APLP2: variants seen among roughly 807,000 people sequenced by gnomAD.
The protein encoded by APLP2 is CDEI box-binding protein.
In APLP2, 53 loss-of-function variants were observed where a neutral mutation model predicts 89.9. The observed-to-expected ratio is 0.59, with a 90% CI of 0.47 to 0.74. The LOEUF (loss-of-function observed/expected upper bound fraction) is 0.74. APLP2 is among the 30% of genes least tolerant of loss of function. The pLI is 0.00. For missense variants in APLP2, 973 were observed against 975.9 expected (o/e 1.00, Z 0.04); for synonymous variants, 372 against 348.6 (o/e 1.07, Z -0.75).
intron 3 of APLP2, among the ~76,000 whole-genome samples, chr11:130,115,916 G>C (rs1949106783): frequency 6.6e-6 from 1 of 152,098 alleles, no homozygotes; most frequent in Admixed American, 6.6e-5. Flanking sequence ...TTGGGGGAAG[G>C]GGACAAAAAC....
At chr11:130,134,193 G>A (rs1193783979) in intron 12 of APLP2, among the ~76,000 whole-genome samples, 6 of 152,192 alleles carry the variant, frequency 3.9e-5, no homozygotes, top group Non-Finnish European at 8.8e-5. Context: ...TGCTGGAGTT[G>A]ATGTGTTGAT....
intron 1 of APLP2, chr11:130,101,903 A>G: frequency 2.2e-6 from 1 of 454,604 alleles, no homozygotes. Flanking sequence ...CCTGCATTGC[A>G]TTTACTTGTC....
At chr11:130,071,172 A>T (rs890146116) in intron 1 of APLP2, among the ~76,000 whole-genome samples, 2 of 152,078 alleles carry the variant, frequency 1.3e-5, no homozygotes, top group East Asian at 3.8e-4. Context: ...AGACCTGAAG[A>T]CTGGATTTGA....
At chr11:130,128,681 G>T (rs115696385) in intron 9 of APLP2, among the ~76,000 whole-genome samples, 165 of 152,336 alleles carry the variant, frequency 1.1e-3, no homozygotes, top group African/African-American at 3.7e-3. Flanking sequence ...ATTGGTCAGT[G>T]GTCTCAGAGT....
chr11:130,126,225 A>T lies in APLP2; in HGVS notation c.1091-475A>T, dbSNP rs1026522494. ...AGCCTGTTTTCTGTTGTAAATTAAG[A>T]CTCAAAGATAGCCAGAAGAGCAGAG... On this transcript the variant is annotated intron_variant, in intron 7 of 16. Coordinates refer to ENST00000338167, the MANE Select transcript of APLP2 (RefSeq NM_001142276.2). 4.6e-5 allele frequency among the ~76,000 whole-genome samples: 7 copies of T among 152,288 alleles called. No homozygotes were observed. The East Asian group carries it at 1.3e-3, about 29-fold the overall frequency.
At chr11:130,083,676 T>C (rs1019321232) in intron 1 of APLP2, among the ~76,000 whole-genome samples, 1 of 152,224 alleles carries the variant, frequency 6.6e-6, no homozygotes, top group Admixed American at 6.5e-5. Context: ...TTTTTAAGGC[T>C]GAACAATATT....
chr11:130,104,365 C>T (rs1016623253), intron 1 of APLP2, among the ~76,000 whole-genome samples: 5 of 151,708 alleles, frequency 3.3e-5, no homozygotes, highest in African/African-American at 4.8e-5. Context: ...ACCATAGGCA[C>T]GCGCCCCCAT....
At chr11:130,109,396 G>A in intron 1 of APLP2, 33 bp from the exon 2 acceptor site, 1 of 1,590,112 alleles carries the variant, frequency 6.3e-7, no homozygotes, top group East Asian at 2.2e-5. Flanking sequence ...TAGCCTTCTT[G>A]GAGTAAACCT....
In APLP2 at chr11:130,120,769, G is replaced by A. The variant is rs144762473; in HGVS notation, c.467G>A (p.Arg156Gln). The change falls in exon 4 of 17, where the codon CGG becomes CAG. Residue 156 changes from arginine to glutamine, a missense_variant. Coordinates refer to ENST00000338167, the MANE Select transcript of APLP2 (RefSeq NM_001142276.2). ...AAGTGCCAGTTTTTCCACAAAGAGC[G>A]GATGGAGGTGTGTGAGAATCACCAG... ...PEKCQFFHKE[R>Q]MEVCENHQHW... The A allele has an allele frequency of 3.2e-5, 52 of 1,613,836 alleles. No homozygotes were observed. The highest frequency in any genetic ancestry group is 5.3e-5 in the African/African-American group (4 of 74,886).
intron 3 of APLP2, among the ~76,000 whole-genome samples, chr11:130,116,423 T>C (rs1443703965): frequency 2.0e-5 from 3 of 152,236 alleles, no homozygotes; most frequent in South Asian, 2.1e-4. Flanking sequence ...TTTTTTGATA[T>C]TAATAACACT....
intron 1 of APLP2, among the ~76,000 whole-genome samples, chr11:130,076,642 G>A (rs1454024977): frequency 6.6e-6 from 1 of 152,106 alleles, no homozygotes; most frequent in Non-Finnish European, 1.5e-5. Context: ...CTAAAAGGTT[G>A]CTTAATTGAG....
chr11:130,070,788 A>G, intron 1 of APLP2: 9 of 1,349,212 alleles, frequency 6.7e-6, no homozygotes, highest in Non-Finnish European at 8.6e-6. Context: ...TGAGTAGGGA[A>G]GGTGCCCGCG....
At chr11:130,099,663 T>C (rs1946648244) in intron 1 of APLP2, among the ~76,000 whole-genome samples, 1 of 152,232 alleles carries the variant, frequency 6.6e-6, no homozygotes, top group African/African-American at 2.4e-5. Flanking sequence ...GAAGCATTAA[T>C]GCAACCTGCT....
In APLP2 at chr11:130,117,561, T is replaced by C. The variant is rs375137527; in HGVS notation, c.404-3145T>C. Among the ~76,000 whole-genome samples the C allele has an allele frequency of 2.6e-5, 4 of 152,196 alleles. No homozygotes were observed. The South Asian group carries it at 6.2e-4, about 24-fold the overall frequency. On this transcript the variant is annotated intron_variant, in intron 3 of 16. Coordinates refer to ENST00000338167, the MANE Select transcript of APLP2 (RefSeq NM_001142276.2). ...CTGGAATTACAGGTGCATGCCACCA[T>C]GCCTGGCTAATTTTTGTATTTTTAG...
intron 1 of APLP2, among the ~76,000 whole-genome samples, chr11:130,091,773 AC>A (rs1945292068): frequency 7.8e-6 from 1 of 127,618 alleles, no homozygotes; most frequent in Admixed American, 8.0e-5. Flanking sequence ...GGGGGGCTGA[AC>A]CCCCCACCTC....
intron 9 of APLP2, among the ~76,000 whole-genome samples, chr11:130,128,267 G>A (rs1007994586): frequency 6.6e-6 from 1 of 152,162 alleles, no homozygotes; most frequent in African/African-American, 2.4e-5. Context: ...GCAGCAAACT[G>A]CATTCCCCTT....
intron 1 of APLP2, among the ~76,000 whole-genome samples, chr11:130,107,615 A>C (rs1319601657): frequency 6.6e-6 from 1 of 152,232 alleles, no homozygotes; most frequent in Non-Finnish European, 1.5e-5. Flanking sequence ...GGAAGAATCA[A>C]TATTGTGAAA....
chr11:130,110,523 T>G lies in APLP2; in HGVS notation c.280-15T>G, dbSNP rs771968991. On this transcript the variant is annotated splice_polypyrimidine_tract_variant and intron_variant, in intron 2 of 16. Coordinates refer to ENST00000338167, the MANE Select transcript of APLP2 (RefSeq NM_001142276.2). ...GCAGATTGATTTATTGTGTGTGTGT[T>G]TGTTTTCTTAACAGATGTATCCAGA... 1.9e-6 allele frequency: 3 copies of G among 1,611,676 alleles called. No individual in the cohort carries two copies. The highest frequency in any genetic ancestry group is 2.2e-5 in the South Asian group (2 of 90,836).
chr11:130,100,568 C>G (rs1946772515), intron 1 of APLP2: 1 of 152,104 alleles, frequency 6.6e-6, no homozygotes, highest in South Asian at 2.1e-4. Flanking sequence ...ATGTTTGGCT[C>G]CTTACCACTA....
Sources: gnomAD v4.1 joint callset for allele counts (sites outside exome capture counted in the v4.1 genomes callset) on GRCh38, gnomAD v4.1.1 for gene constraint, MANE v1.5 for transcripts, NCBI Gene and HGNC (gene_info 2026-07-23, HGNC 2026-07-21) for gene names.